The following ARL15 variants were observed in gnomAD, a reference collection of about 807,000 sequenced individuals.
ARL15 encodes the protein ADP-ribosylation factor-like protein 15.
A neutral mutation model predicts 25.2 loss-of-function variants in ARL15; 19 were observed. The observed-to-expected ratio is 0.75, with a 90% CI of 0.53 to 1.10. The LOEUF is 1.10. Ranked by LOEUF, ARL15 falls within the 50% of genes least tolerant of loss-of-function variation. The pLI, the probability that ARL15 is intolerant of heterozygous loss-of-function variation, is 0.00. For synonymous variants in ARL15, 94 were observed against 86.8 expected (o/e 1.08, Z -0.46); for missense variants, 220 against 246.0 (o/e 0.89, Z 0.71).
chr5:53,954,499 A>G (rs1487190964), intron 4 of ARL15, among the ~76,000 whole-genome samples: 1 of 152,210 alleles, frequency 6.6e-6, no homozygotes, highest in East Asian at 1.9e-4. Flanking sequence ...CTCCTTGAAC[A>G]TCATGTCCCT....
chr5:53,905,398 CTTG>C (rs1238122355), intron 4 of ARL15, among the ~76,000 whole-genome samples: 1 of 152,140 alleles, frequency 6.6e-6, no homozygotes, highest in Middle Eastern at 3.4e-3. Flanking sequence ...AACTGAAAAC[CTTG>C]TTATTAAATA....
chr5:53,999,970 T>C (rs1243983382), intron 4 of ARL15, among the ~76,000 whole-genome samples: 11 of 152,052 alleles, frequency 7.2e-5, no homozygotes, highest in African/African-American at 2.4e-4. Context: ...GGGTGGGGTA[T>C]AGTAGACAGA....
intron 2 of ARL15, among the ~76,000 whole-genome samples, chr5:54,162,118 G>A (rs1754423372): frequency 6.6e-6 from 1 of 152,020 alleles, no homozygotes; most frequent in Non-Finnish European, 1.5e-5. Context: ...TCAAACTCCA[G>A]CACTGAACAG....
chr5:53,999,262 A>C (rs756712727), intron 4 of ARL15, among the ~76,000 whole-genome samples: 5 of 152,216 alleles, frequency 3.3e-5, no homozygotes, highest in Non-Finnish European at 5.9e-5. Flanking sequence ...AAGCTCAGGA[A>C]GAAGGGAACT....
intron 4 of ARL15, among the ~76,000 whole-genome samples, chr5:54,010,115 C>T (rs563973437): frequency 4.6e-5 from 7 of 152,290 alleles, no homozygotes; most frequent in Admixed American, 3.9e-4. Flanking sequence ...AAAGCCCTCC[C>T]GAAAAACACA....
At chr5:54,133,295 T>G (rs1221895092) in intron 3 of ARL15, among the ~76,000 whole-genome samples, 1 of 152,132 alleles carries the variant, frequency 6.6e-6, no homozygotes, top group Non-Finnish European at 1.5e-5. Context: ...TCATCAGAAA[T>G]TGTCTAAACC....
chr5:53,910,633 TTATATATATATATATA>T (rs70986649), intron 4 of ARL15, among the ~76,000 whole-genome samples: 7 of 55,004 alleles, frequency 1.3e-4, no homozygotes, highest in African/African-American at 4.4e-4. Flanking sequence ...TAAAAAAAAA[TTATATATATATATATA>T]TATATATATA....
At chr5:54,260,408 A>G (rs1439853512) in intron 1 of ARL15, among the ~76,000 whole-genome samples, 1 of 152,148 alleles carries the variant, frequency 6.6e-6, no homozygotes, top group East Asian at 1.9e-4. Flanking sequence ...ATAATTCCAA[A>G]TCGTTTTCTT....
At chr5:54,138,719 T>C (rs1205079902) in intron 3 of ARL15, among the ~76,000 whole-genome samples, 1 of 151,932 alleles carries the variant, frequency 6.6e-6, no homozygotes, top group East Asian at 1.9e-4. Context: ...GAAGAAATAA[T>C]CATCAGAGTA....
intron 4 of ARL15, among the ~76,000 whole-genome samples, chr5:54,011,710 G>A (rs542241419): frequency 3.9e-5 from 6 of 152,060 alleles, no homozygotes; most frequent in Non-Finnish European, 7.4e-5. Context: ...GGAAAACTAC[G>A]GTCTTAAAAG....
chr5:54,160,939 T>C (rs1042514899), intron 2 of ARL15, among the ~76,000 whole-genome samples: 5 of 152,166 alleles, frequency 3.3e-5, no homozygotes, highest in Admixed American at 6.5e-5. Context: ...CAAGACATTA[T>C]AGAGAAATAA....
At chr5:54,094,427 A>C (rs1752222487) in intron 4 of ARL15, among the ~76,000 whole-genome samples, 2 of 148,626 alleles carry the variant, frequency 1.3e-5, no homozygotes, top group Admixed American at 6.7e-5. Flanking sequence ...ACATAGCACA[A>C]AAAAAAAAAA....
At chr5:54,178,039 C>G (rs530486319) in intron 1 of ARL15, among the ~76,000 whole-genome samples, 2 of 152,240 alleles carry the variant, frequency 1.3e-5, no homozygotes, top group South Asian at 4.1e-4. Flanking sequence ...CATTCTTGGT[C>G]CTATTATAGG....
intron 4 of ARL15, among the ~76,000 whole-genome samples, chr5:54,004,708 A>G (rs1748962079): frequency 6.6e-6 from 1 of 152,046 alleles, no homozygotes; most frequent in Non-Finnish European, 1.5e-5. Flanking sequence ...TTTACAGGAC[A>G]TTAGATAAAT....
chr5:54,215,938 C>T (rs1306573281), intron 1 of ARL15, among the ~76,000 whole-genome samples: 3 of 152,128 alleles, frequency 2.0e-5, no homozygotes. Flanking sequence ...CATTAAACTG[C>T]ACTGTGGCAT....
intron 1 of ARL15, among the ~76,000 whole-genome samples, chr5:54,207,752 A>G (rs753669747): frequency 6.6e-5 from 10 of 152,232 alleles, no homozygotes; most frequent in Non-Finnish European, 1.2e-4. Flanking sequence ...CAAGAAGCTC[A>G]GGAATGGCTG....
At chr5:53,980,462 A>G (rs1748082748) in intron 4 of ARL15, among the ~76,000 whole-genome samples, 2 of 152,210 alleles carry the variant, frequency 1.3e-5, no homozygotes, top group Admixed American at 6.5e-5. Context: ...TTAGGCCCCA[A>G]TTTTAAGCGC....
intron 4 of ARL15, among the ~76,000 whole-genome samples, chr5:54,017,472 A>C (rs1749460736): frequency 6.6e-6 from 1 of 151,862 alleles, no homozygotes. Context: ...TCTCTAGGCT[A>C]TTATGATAAC....
At chr5:54,122,488 T>G (rs9292039) in intron 3 of ARL15, among the ~76,000 whole-genome samples, 34,911 of 152,208 alleles carry the variant, frequency 0.23, 4,450 homozygotes, top group African/African-American at 0.34. Flanking sequence ...CCTACAAGGC[T>G]GACATACAGT....
Sources: gnomAD v4.1 joint callset for allele counts (sites outside exome capture counted in the v4.1 genomes callset) on GRCh38, gnomAD v4.1.1 for gene constraint, MANE v1.5 for transcripts, NCBI Gene and HGNC (gene_info 2026-07-23, HGNC 2026-07-21) for gene names.